RBPJ: variants seen among roughly 807,000 people sequenced by gnomAD.
RBPJ encodes the protein recombination signal binding protein for immunoglobulin kappa J region.
RBPJ carries 9 observed loss-of-function variants against 67.8 expected under a neutral mutation model. That is an observed-to-expected ratio of 0.13 (90% CI 0.08 to 0.23). RBPJ has a LOEUF of 0.23. Ranked by LOEUF, RBPJ falls within the 10% of genes least tolerant of loss-of-function variation. The pLI, the probability that RBPJ is intolerant of heterozygous loss-of-function variation, is 1.00. For synonymous variants in RBPJ, 198 were observed against 203.3 expected, an observed-to-expected ratio of 0.97 and a Z score of 0.22; for missense variants, 305 against 595.6, an observed-to-expected ratio of 0.51 and a Z score of 5.08.
intron 1 of RBPJ, among the ~76,000 whole-genome samples, chr4:26,272,157 A>G (rs540171809): frequency 1.3e-5 from 2 of 152,372 alleles, no homozygotes; most frequent in East Asian, 1.9e-4. Context: ...CACACCTTTG[A>G]CAGAAGTCAA....
chr4:26,282,497 G>A (rs28667153), intron 1 of RBPJ, among the ~76,000 whole-genome samples: 5,890 of 151,744 alleles, frequency 0.039, 386 homozygotes, highest in African/African-American at 0.13. Context: ...CAAATCAAAT[G>A]AGCTTCATGT....
rs375242201 is a variant in RBPJ at position 26,424,624 on chromosome 4, A to G, written c.635-7A>G. 5 of 1,532,590 alleles carry G rather than the reference A, an allele frequency of 3.3e-6. No homozygotes were observed. In the African/African-American group the frequency reaches 6.8e-5, roughly 21 times the overall value. 94.9% of individuals were successfully genotyped at this position (1,532,590 alleles called of 1,614,324 possible). A position where few individuals can be genotyped will look rare whatever the true frequency, so the allele number is the denominator to read the frequency against. ...GACAATTTGATTTATTTTTCCACCT[A>G]CTGCAGTGGATGATGATGAATCAGA... On this transcript the variant is annotated splice_region_variant and splice_polypyrimidine_tract_variant and intron_variant, in intron 6 of 10. Coordinates refer to ENST00000355476, the MANE Select transcript of RBPJ (RefSeq NM_015874.6). This position sits in a 1 kb window ranked among gnomAD's most constrained non-coding sequence, Gnocchi z 5.3.
At chr4:26,423,847 C>T (rs1735379125) in intron 5 of RBPJ, among the ~76,000 whole-genome samples, 1 of 152,140 alleles carries the variant, frequency 6.6e-6, no homozygotes. Context: ...TCCTTCTGGT[C>T]CCTTTTCTAT....
At chr4:26,326,299 T>C (rs1017779996) in intron 1 of RBPJ, among the ~76,000 whole-genome samples, 22 of 152,112 alleles carry the variant, frequency 1.4e-4, no homozygotes, top group Non-Finnish European at 2.8e-4. Flanking sequence ...CTGAGAACAT[T>C]ATAGTAAGGC....
chr4:26,129,809 A>G, the RBPJ span, among the ~76,000 whole-genome samples: 7 of 151,868 alleles, frequency 4.6e-5, no homozygotes, highest in South Asian at 8.3e-4. Flanking sequence ...GGTGGACATC[A>G]CCTGAATTTT....
At chr4:26,109,642 GTCTCTC>G in the RBPJ span, among the ~76,000 whole-genome samples, 72 of 7,026 alleles carry the variant, frequency 0.01, no homozygotes, top group East Asian at 0.015. Flanking sequence ...CTCTCTCTCT[GTCTCTC>G]TCTCTCTCTC....
At chr4:26,325,196 C>T (rs1247967035) in intron 1 of RBPJ, among the ~76,000 whole-genome samples, 2 of 152,114 alleles carry the variant, frequency 1.3e-5, no homozygotes, top group African/African-American at 4.8e-5. Flanking sequence ...TCTAAAAAAT[C>T]TCTTGAATTT....
intron 1 of RBPJ, among the ~76,000 whole-genome samples, chr4:26,191,210 T>TATATAG (rs1364457297): frequency 1.6e-3 from 44 of 26,826 alleles, no homozygotes; most frequent in Non-Finnish European, 2.3e-3. Flanking sequence ...TATATATATA[T>TATATAG]AGAGAGAGAG....
At chr4:26,249,494 T>C (rs1419886730) in intron 1 of RBPJ, among the ~76,000 whole-genome samples, 1 of 152,022 alleles carries the variant, frequency 6.6e-6, no homozygotes, top group Non-Finnish European at 1.5e-5. Flanking sequence ...ACCCTGTCTC[T>C]ACTAAAAATG....
At chr4:26,188,248 TGAGAA>T (rs1225814414) in intron 1 of RBPJ, among the ~76,000 whole-genome samples, 3 of 151,982 alleles carry the variant, frequency 2.0e-5, no homozygotes, top group Admixed American at 1.3e-4. Context: ...AAAAAGTAGA[TGAGAA>T]GAGAAAGAAT....
chr4:26,154,106 A>T, the RBPJ span, among the ~76,000 whole-genome samples: 1 of 152,126 alleles, frequency 6.6e-6, no homozygotes, highest in Non-Finnish European at 1.5e-5. Flanking sequence ...AGTTTCTGCC[A>T]TCTCTCCTTT....
rs528799326 is a variant in RBPJ, at chr4:26,401,892, T to C, written c.60-4283T>C. Among the ~76,000 whole-genome samples the C allele has an allele frequency of 3.3e-4, 49 of 149,220 alleles. No individual in the cohort carries two copies. The South Asian group carries it at 4.0e-3, about 12-fold the overall frequency. On this transcript the variant is annotated intron_variant, in intron 2 of 10. Coordinates refer to ENST00000355476, the MANE Select transcript of RBPJ (RefSeq NM_015874.6). Reference sequence around the variant, plus strand: ...TGTTTTCTTTTTCTTTCTTTCTTTTTTTTTTTTTTTTTTGAGAGGGAGTTT... The same window carrying C: ...TGTTTTCTTTTTCTTTCTTTCTTTTCTTTTTTTTTTTTTGAGAGGGAGTTT...
At chr4:26,319,846 A>T (rs768442915), upstream of RBPJ, 11 of 1,588,654 alleles carry the variant, frequency 6.9e-6, no homozygotes, top group Non-Finnish European at 9.5e-6. Flanking sequence ...GGGAATCTCT[A>T]GGAAAGGAAA....
At chr4:26,122,290 G>A in the RBPJ span, among the ~76,000 whole-genome samples, 1 of 152,178 alleles carries the variant, frequency 6.6e-6, no homozygotes, top group Non-Finnish European at 1.5e-5. Context: ...TCTTTGGACT[G>A]TCCAATAATA....
intron 1 of RBPJ, among the ~76,000 whole-genome samples, chr4:26,385,417 A>C (rs1402457877): frequency 1.3e-5 from 2 of 152,210 alleles, no homozygotes; most frequent in Admixed American, 6.5e-5. Flanking sequence ...ATGAGGAAAC[A>C]GGTCTAGAAA....
At chr4:26,148,281 G>T in the RBPJ span, among the ~76,000 whole-genome samples, 1 of 152,152 alleles carries the variant, frequency 6.6e-6, no homozygotes. Context: ...TTTCCAGTGA[G>T]CATTCAAAGT....
the RBPJ span, among the ~76,000 whole-genome samples, chr4:26,151,276 A>C: frequency 6.6e-6 from 1 of 152,192 alleles, no homozygotes; most frequent in Admixed American, 6.5e-5. Context: ...GTCAGCCATG[A>C]CTAATGCTGA....
rs1418171638 is a variant in RBPJ at position 26,434,242 on chromosome 4, A to G, written c.*3235A>G. On this transcript the variant is annotated 3_prime_UTR_variant, in exon 11 of 11. Transcript: ENST00000355476. ...CTCTTACTGCACAGACTTATCTGCA[A>G]TCATAACTGGTTAGTTTTTTTGTTT... The G allele has an allele frequency of 6.6e-6, 1 of 152,234 alleles. No homozygotes were observed. The highest frequency in any genetic ancestry group is 1.5e-5 in the Non-Finnish European group (1 of 68,038). 9.4% of individuals were successfully genotyped at this position (152,234 alleles called of 1,614,324 possible). A position where few individuals can be genotyped will look rare whatever the true frequency, so the allele number is the denominator to read the frequency against.
At chr4:26,231,273 G>C (rs1719273380) in intron 1 of RBPJ, among the ~76,000 whole-genome samples, 1 of 152,228 alleles carries the variant, frequency 6.6e-6, no homozygotes. Context: ...CGATTAGCTT[G>C]AACTGCTATC....
Sources: gnomAD v4.1 joint callset for allele counts (sites outside exome capture counted in the v4.1 genomes callset) on GRCh38, gnomAD v4.1.1 for gene constraint, Gnocchi (gnomAD v3.1) non-coding constraint, MANE v1.5 for transcripts, NCBI Gene and HGNC (gene_info 2026-07-23, HGNC 2026-07-21) for gene names.